The following SETD7 variants were observed in gnomAD, a reference collection of about 807,000 sequenced individuals.
SETD7 encodes the protein SET domain containing 7, histone lysine methyltransferase, also known as histone-lysine N-methyltransferase SETD7.
SETD7 carries 16 observed loss-of-function variants against 41.8 expected under a neutral mutation model. The ratio of observed to expected loss-of-function variants is 0.38; its 90% CI spans 0.26 to 0.58. The LOEUF (loss-of-function observed/expected upper bound fraction) is 0.58, where lower values mean the gene tolerates loss of function less well. SETD7 is among the 20% of genes least tolerant of loss of function. The pLI, the probability that SETD7 is intolerant of heterozygous loss-of-function variation, is 0.64. For synonymous variants in SETD7, 163 were observed against 169.7 expected (o/e 0.96, Z 0.31); for missense variants, 346 against 459.7 (o/e 0.75, Z 2.26).
intron 3 of SETD7, chr4:139,532,728 G>T (rs1337541059): frequency 1.5e-5 from 3 of 198,494 alleles, no homozygotes; most frequent in African/African-American, 7.1e-5. Context: ...GTAGAATCAA[G>T]TAACAACAGT....
At chr4:139,493,083 G>A (rs1379365582), downstream of SETD7, among the ~76,000 whole-genome samples, 1 of 152,218 alleles carries the variant, frequency 6.6e-6, no homozygotes, top group Non-Finnish European at 1.5e-5. Context: ...GACAGGCAAA[G>A]GCTGTTCCCC....
At chr4:139,500,151 GTC>G (rs1255865779) in intron 7 of SETD7, among the ~76,000 whole-genome samples, 1 of 152,162 alleles carries the variant, frequency 6.6e-6, no homozygotes, top group East Asian at 1.9e-4. Context: ...AGCGGCATTT[GTC>G]TCCTGATCTG....
chr4:139,510,627 T>TA lies in SETD7; in HGVS notation c.*1035dup, dbSNP rs1212995123. 6.6e-6 allele frequency: 1 copy of TA among 152,182 alleles called. No homozygotes were observed. Among genetic ancestry groups the TA allele is most frequent in the Non-Finnish European group, 1.5e-5 (1 of 68,024 alleles). The allele number at this position is 152,182 out of a possible 1,614,324, so 9.4% of individuals were successfully genotyped here. A position where few individuals can be genotyped will look rare whatever the true frequency, so the allele number is the denominator to read the frequency against. On this transcript the variant is annotated 3_prime_UTR_variant, in exon 8 of 8. Transcript: ENST00000274031. ...GTGTGTCTGCCTTAGTAGTACTGAC[T>TA]AAAAAAATTTTTTTTTGAATTCTGT...
At chr4:139,524,925 T>A (rs2725784) in intron 4 of SETD7, among the ~76,000 whole-genome samples, 66,903 of 151,858 alleles carry the variant, frequency 0.44, 17,154 homozygotes, top group Non-Finnish European at 0.55. Context: ...CAAGCGATTC[T>A]CCTGCCTCAG....
chr4:139,514,374 C>G (rs56023447), intron 7 of SETD7, among the ~76,000 whole-genome samples: 2 of 151,976 alleles, frequency 1.3e-5, no homozygotes, highest in African/African-American at 4.8e-5. Context: ...GAAAAAAAAC[C>G]AAAAAACAGA....
At position 139,543,811 on chromosome 4, in the gene SETD7, A is replaced by AT. The variant is rs1267193027; in HGVS notation, c.170+3108_170+3109insA. 1.3e-4 allele frequency among the ~76,000 whole-genome samples: 20 copies of AT among 151,380 alleles called. No homozygotes were observed. The South Asian group carries it at 1.7e-3, about 13-fold the overall frequency. On this transcript the variant is annotated intron_variant, in intron 2 of 7. Coordinates refer to ENST00000274031, the MANE Select transcript of SETD7 (RefSeq NM_030648.4). ...ACTAAAAAAATACAAAAAAAAAAAA[A>AT]AAATTAGCCGGGCGTGGTGGTGGGC...
At chr4:139,529,275 G>C in intron 3 of SETD7, 55 bp from the exon 4 acceptor site, 1 of 1,435,682 alleles carries the variant, frequency 7.0e-7, no homozygotes, top group Non-Finnish European at 9.4e-7. Flanking sequence ...TCTAGGACAT[G>C]AGTCCCAAGA....
intron 2 of SETD7, among the ~76,000 whole-genome samples, chr4:139,544,695 T>A (rs1183057498): frequency 1.3e-5 from 2 of 152,210 alleles, no homozygotes; most frequent in East Asian, 1.9e-4. Context: ...ATCAGCCCCA[T>A]AAAGCAAGCA....
exon 8 of SETD7, chr4:139,496,313 A>G (rs1304712294): frequency 1.5e-6 from 1 of 688,642 alleles, no homozygotes; most frequent in South Asian, 1.5e-5. Context: ...AATTGCCATT[A>G]TCAGTAGGCA....
chr4:139,518,574 G>GA (rs913050003), intron 6 of SETD7, among the ~76,000 whole-genome samples: 16 of 151,018 alleles, frequency 1.1e-4, no homozygotes, highest in Admixed American at 2.0e-4. Context: ...TGTTCTATAT[G>GA]AAAAAAAAGG....
At chr4:139,516,465 C>CAA (rs66848307) in intron 7 of SETD7, among the ~76,000 whole-genome samples, 3 of 93,030 alleles carry the variant, frequency 3.2e-5, no homozygotes, top group African/African-American at 8.8e-5. Context: ...GACTCTGTCT[C>CAA]AAAAAAAAAA....
At chr4:139,494,040 G>T (rs901782651), downstream of SETD7, among the ~76,000 whole-genome samples, 3 of 152,152 alleles carry the variant, frequency 2.0e-5, no homozygotes, top group African/African-American at 7.2e-5. Flanking sequence ...GAGATCCTTG[G>T]AATGTAATTA....
chr4:139,520,194 G>T, intron 6 of SETD7, 83 bp downstream of exon 6: 1 of 583,180 alleles, frequency 1.7e-6, no homozygotes, highest in Non-Finnish European at 2.9e-6. Flanking sequence ...TAACTTTCTA[G>T]TGAGTACTAA....
intron 1 of SETD7, among the ~76,000 whole-genome samples, chr4:139,551,850 A>G (rs1027077301): frequency 4.6e-5 from 7 of 152,194 alleles, no homozygotes; most frequent in Non-Finnish European, 1.0e-4. Flanking sequence ...ATCTCATTAA[A>G]TAAATAAATA....
intron 7 of SETD7, among the ~76,000 whole-genome samples, chr4:139,517,622 C>T (rs2111130464): frequency 6.6e-6 from 1 of 152,088 alleles, no homozygotes; most frequent in East Asian, 1.9e-4. Flanking sequence ...GGCTATAAAA[C>T]AGCAACCCCT....
intron 4 of SETD7, among the ~76,000 whole-genome samples, chr4:139,528,490 A>G (rs780061613): frequency 6.6e-6 from 1 of 152,216 alleles, no homozygotes; most frequent in Non-Finnish European, 1.5e-5. Flanking sequence ...TGAGAATTAT[A>G]TACCTAGGCC....
At chr4:139,531,386 C>T (rs1390992304) in intron 3 of SETD7, among the ~76,000 whole-genome samples, 3 of 152,096 alleles carry the variant, frequency 2.0e-5, no homozygotes, top group Non-Finnish European at 4.4e-5. Flanking sequence ...ATACTCATCT[C>T]TATGTAGAGA....
At chr4:139,529,251 TTA>T in intron 3 of SETD7, 31 bp from the exon 4 acceptor site, 1 of 1,564,904 alleles carries the variant, frequency 6.4e-7, no homozygotes, top group Non-Finnish European at 8.7e-7. Flanking sequence ...CCAGAAAATA[TTA>T]TATATAGTAT....
In SETD7 at chr4:139,546,393, C is replaced by A. The variant is rs878985043; in HGVS notation, c.170+527G>T. ...TGAGGAGAGGCAACAAGCTGAGAAA[C>A]CGATGAAGCAGAAGAACCAACAAGG... On this transcript the variant is annotated intron_variant, in intron 2 of 7. Coordinates refer to ENST00000274031, the MANE Select transcript of SETD7 (RefSeq NM_030648.4). 3 of 216,938 alleles carry A rather than the reference C, an allele frequency of 1.4e-5. No homozygotes were observed. The South Asian group carries it at 2.0e-4, about 14-fold the overall frequency. 13.4% of individuals were successfully genotyped at this position (216,938 alleles called of 1,614,324 possible). A position where few individuals can be genotyped will look rare whatever the true frequency, so the allele number is the denominator to read the frequency against.
Sources: gnomAD v4.1 joint callset for allele counts (sites outside exome capture counted in the v4.1 genomes callset) on GRCh38, gnomAD v4.1.1 for gene constraint, MANE v1.5 for transcripts, NCBI Gene and HGNC (gene_info 2026-07-23, HGNC 2026-07-21) for gene names.